The following PSIP1 variants were observed in gnomAD, a reference collection of about 807,000 sequenced individuals.
PSIP1 encodes PC4 and SRSF1 interacting protein 1, also known as PC4 and SFRS1-interacting protein.
PSIP1 carries 19 observed loss-of-function variants against 74.7 expected under a neutral mutation model. That is an observed-to-expected ratio of 0.25 (90% CI 0.18 to 0.37). The LOEUF is 0.37. Among genes scored for constraint, PSIP1 ranks in the 10% least tolerant of loss-of-function variants. PSIP1 has a pLI of 1.00. For synonymous variants in PSIP1, 222 were observed against 195.3 expected (o/e 1.14, Z -1.14); for missense variants, 601 against 614.3 (o/e 0.98, Z 0.23).
Position 15,469,323 on chromosome 9 carries a change from A to G in PSIP1, c.1047T>C (p.Asp349=), listed in dbSNP as rs1220218118. The G allele has an allele frequency of 6.4e-7, 1 of 1,567,988 alleles. No homozygotes were observed. ...CAGCATGTATCCTTTGAAGTCGAGA[A>G]TCCATTGATGTTTCTACAAATTAAA... ...KVEKKRETSM[D]SRLQRIHAEI... The change falls in exon 12 of 16, where the codon GAT becomes GAC. Residue 349 remains aspartate, a synonymous_variant. Coordinates refer to ENST00000380733, the MANE Select transcript of PSIP1 (RefSeq NM_033222.5).
intron 10 of PSIP1, chr9:15,471,897 A>G: frequency 2.0e-6 from 2 of 983,114 alleles, no homozygotes; most frequent in African/African-American, 1.7e-5. Context: ...TCAGAATGTA[A>G]GACGCTTCAC....
intron 3 of PSIP1, among the ~76,000 whole-genome samples, chr9:15,501,762 G>C (rs146352711): frequency 3.3e-5 from 5 of 150,360 alleles, no homozygotes; most frequent in Non-Finnish European, 5.9e-5. Flanking sequence ...CTCCGTATCC[G>C]TAAGACTGTG....
In PSIP1 at chr9:15,489,921, G is replaced by A. The variant is rs147922822; in HGVS notation, c.288+65C>T. 1.0e-4 allele frequency: 136 copies of A among 1,298,356 alleles called. 1 individual carries two copies. In the African/African-American group the frequency reaches 1.8e-3, roughly 17 times the overall value. The allele number at this position is 1,298,356 out of a possible 1,614,324, so 80.4% of individuals were successfully genotyped here. A position where few individuals can be genotyped will look rare whatever the true frequency, so the allele number is the denominator to read the frequency against. ...GGCTTTTAGTATTTACTTTCCTACA[G>A]CTAGGATAGTGATTATTCCCCAGGA... On this transcript the variant is annotated intron_variant, in intron 4 of 15. Transcript: ENST00000380733.
Position 15,468,177 on chromosome 9 carries a change from T to C in PSIP1, c.1420+453A>G, listed in dbSNP as rs972683846. Among the ~76,000 whole-genome samples the C allele has an allele frequency of 2.5e-4, 37 of 150,242 alleles. 1 individual carries two copies. The highest frequency in any genetic ancestry group is 7.6e-4 in the African/African-American group (31 of 40,718). Reference sequence around the variant, plus strand: ...TTAATACTGTGAAGTCTGTTCAGGGTAACTCAGCAGCATCATCAGAATACC... The same window carrying C: ...TTAATACTGTGAAGTCTGTTCAGGGCAACTCAGCAGCATCATCAGAATACC... On this transcript the variant is annotated intron_variant, in intron 14 of 15. Transcript: ENST00000380733.
At chr9:15,479,247 T>C (rs2036232104) in intron 7 of PSIP1, among the ~76,000 whole-genome samples, 1 of 152,276 alleles carries the variant, frequency 6.6e-6, no homozygotes, top group Non-Finnish European at 1.5e-5. Flanking sequence ...TTAATGACTT[T>C]AATCAAATGC....
rs191035957 is a variant in PSIP1 at position 15,506,329 on chromosome 9, C to T, written c.149+232G>A. 8.0e-5 allele frequency: 30 copies of T among 374,836 alleles called. 1 individual carries two copies. Among genetic ancestry groups the T allele is most frequent in the Middle Eastern group, 1.5e-3 (2 of 1,374 alleles). The allele number at this position is 374,836 out of a possible 1,614,324, so 23.2% of individuals were successfully genotyped here. On this transcript the variant is annotated intron_variant, in intron 3 of 15. Transcript: ENST00000380733. Reference sequence around the variant, plus strand: ...TTTCATCCATCAATCATTCTTATTGCTCAGAGAATTTCTACTTTCCTTTTT... The same window carrying T: ...TTTCATCCATCAATCATTCTTATTGTTCAGAGAATTTCTACTTTCCTTTTT...
chr9:15,472,772 T>C lies in PSIP1; in HGVS notation c.859-22A>G, dbSNP rs1382951965. ...TCTTCTGTTTTGAGAATTAGGATGG[T>C]TTTATTTAACTATAAAGTCAGTGAC... is the stretch of plus-strand genomic sequence containing the variant. On this transcript the variant is annotated intron_variant, in intron 9 of 15. Coordinates refer to ENST00000380733, the MANE Select transcript of PSIP1 (RefSeq NM_033222.5). The C allele has an allele frequency of 2.5e-6, 4 of 1,586,930 alleles. No individual in the cohort carries two copies. In the Admixed American group the frequency reaches 5.5e-5, roughly 22 times the overall value.
chr9:15,470,067 G>A, intron 10 of PSIP1, 74 bp from the exon 11 acceptor site: 5 of 1,224,902 alleles, frequency 4.1e-6, no homozygotes, highest in Non-Finnish European at 5.9e-6. Context: ...CTATGTAAAA[G>A]CTAAAAATGT....
intron 11 of PSIP1, 130 bp downstream of exon 11, chr9:15,469,808 G>A (rs2035756602): frequency 2.7e-6 from 2 of 730,568 alleles, no homozygotes; most frequent in African/African-American, 1.8e-5. Context: ...AAGCCCATTA[G>A]GGATTTGAAA....
Position 15,486,900 on chromosome 9 carries a change from T to C in PSIP1, c.320A>G (p.Asp107Gly), listed in dbSNP as rs1475468940. ...AGTTTCCTTTTCTTCAACTTCAACA[T>C]CAGATGATGCATTTGATTGTTTAGT... is the stretch of plus-strand genomic sequence containing the variant. ...AATKQSNASS[D>G]VEVEEKETSV... is the part of the protein sequence containing the mutation. The change falls in exon 5 of 16, where the codon GAT becomes GGT. Residue 107 changes from aspartate (D) to glycine (G), a missense_variant. Physicochemically the swap from Asp to Gly is moderately conservative, Grantham distance 94 (BLOSUM62 -1). Transcript: ENST00000380733. The C allele has an allele frequency of 6.2e-7, 1 of 1,612,052 alleles. No individual in the cohort carries two copies. The highest frequency in any genetic ancestry group is 1.1e-5 in the South Asian group (1 of 90,676).
At chr9:15,467,271 G>A (rs980712393) in intron 14 of PSIP1, among the ~76,000 whole-genome samples, 1 of 152,162 alleles carries the variant, frequency 6.6e-6, no homozygotes, top group African/African-American at 2.4e-5. Flanking sequence ...TTAGAACAAA[G>A]TGCTAAAGGA....
chr9:15,468,382 C>A (rs372449330), intron 14 of PSIP1: 3 of 706,058 alleles, frequency 4.2e-6, no homozygotes, highest in African/African-American at 1.7e-5. Context: ...AATTGTTTAT[C>A]CAGAGTCATC....
chr9:15,473,949 CAA>C (rs1030959545), intron 9 of PSIP1, 58 bp downstream of exon 9: 10 of 842,774 alleles, frequency 1.2e-5, no homozygotes, highest in Non-Finnish European at 1.5e-5. Flanking sequence ...AAAGAAAAAA[CAA>C]AAAATATATA....
At chr9:15,499,798 C>G (rs780963044) in intron 3 of PSIP1, among the ~76,000 whole-genome samples, 57 of 149,818 alleles carry the variant, frequency 3.8e-4, no homozygotes, top group Non-Finnish European at 6.4e-4. Context: ...CGCTTGAACC[C>G]GGGAGGCAGA....
At chr9:15,491,272 G>A (rs577337801) in intron 3 of PSIP1, among the ~76,000 whole-genome samples, 2 of 151,588 alleles carry the variant, frequency 1.3e-5, no homozygotes, top group Admixed American at 1.3e-4. Context: ...ATAGCAAAAT[G>A]ACCAACAAAA....
chr9:15,471,437 T>C (rs1018396802), intron 10 of PSIP1: 3 of 1,442,648 alleles, frequency 2.1e-6, no homozygotes, highest in Non-Finnish European at 1.8e-6. Flanking sequence ...TTTAAGATAC[T>C]AAAGAAGGGT....
intron 3 of PSIP1, among the ~76,000 whole-genome samples, chr9:15,492,967 T>A (rs2036904779): frequency 6.6e-6 from 1 of 152,064 alleles, no homozygotes; most frequent in Non-Finnish European, 1.5e-5. Flanking sequence ...AAACCATTTT[T>A]CCCTCCTAGG....
intron 4 of PSIP1, among the ~76,000 whole-genome samples, chr9:15,487,876 C>G (rs1205251264): frequency 6.6e-6 from 1 of 152,116 alleles, no homozygotes. Context: ...TTCGATGAAT[C>G]CATTAACAAG....
Position 15,490,034 on chromosome 9 carries a change from A to G in PSIP1, c.240T>C (p.Gly80=), listed in dbSNP as rs755842793. ...TTGGATTGTTATCTATCTCCCATAAACCTTCATTAAAACCTTTTCTTTTAT... is the reference window on the plus strand; with the variant it reads ...TTGGATTGTTATCTATCTCCCATAAGCCTTCATTAAAACCTTTTCTTTTAT... ...KPNKRKGFNE[G]LWEIDNNPKV... Residue 80 remains glycine, a synonymous_variant, in exon 4 of 16, where the codon GGT becomes GGC. Transcript: ENST00000380733. 65 of 1,604,162 alleles carry G rather than the reference A, an allele frequency of 4.1e-5. No homozygotes were observed. The African/African-American group carries it at 8.2e-4, about 20-fold the overall frequency.
Sources: gnomAD v4.1 joint callset for allele counts (sites outside exome capture counted in the v4.1 genomes callset) on GRCh38, gnomAD v4.1.1 for gene constraint, MANE v1.5 for transcripts, NCBI Gene and HGNC (gene_info 2026-07-23, HGNC 2026-07-21) for gene names.